The following SLC39A10 variants were observed in gnomAD, a reference collection of about 807,000 sequenced individuals.
SLC39A10 encodes the protein zinc transporter ZIP10.
Under a neutral mutation model 65.1 loss-of-function variants are expected in SLC39A10, and 13 were observed. The ratio of observed to expected loss-of-function variants is 0.20; its 90% CI spans 0.13 to 0.32. SLC39A10 has a LOEUF of 0.32. Among genes scored for constraint, SLC39A10 ranks in the 10% least tolerant of loss-of-function variants. SLC39A10 has a pLI of 1.00. For synonymous variants in SLC39A10, 321 were observed against 342.2 expected (o/e 0.94, Z 0.68); for missense variants, 831 against 1,018.4 (o/e 0.82, Z 2.50).
At chr2:195,630,401 C>G (rs930512158) in intron 2 of SLC39A10, among the ~76,000 whole-genome samples, 1 of 152,136 alleles carries the variant, frequency 6.6e-6, no homozygotes, top group African/African-American at 2.4e-5. Flanking sequence ...GCACACTACC[C>G]TCCAAGAACC....
chr2:195,695,599 G>A (rs1156282049), intron 3 of SLC39A10, among the ~76,000 whole-genome samples: 2 of 152,180 alleles, frequency 1.3e-5, no homozygotes, highest in African/African-American at 4.8e-5. Flanking sequence ...AGGCAATCCA[G>A]TTCCTCCAAA....
chr2:195,707,097 A>G (rs141777201), intron 4 of SLC39A10, among the ~76,000 whole-genome samples: 435 of 152,274 alleles, frequency 2.9e-3, no homozygotes, highest in African/African-American at 0.01. Flanking sequence ...GGAGAAATGC[A>G]TAAGATATGT....
At chr2:195,661,875 C>A (rs934841952) in intron 1 of SLC39A10, among the ~76,000 whole-genome samples, 1 of 152,094 alleles carries the variant, frequency 6.6e-6, no homozygotes, top group Non-Finnish European at 1.5e-5. Flanking sequence ...TTGTCATAAC[C>A]TTTTATAATC....
intron 2 of SLC39A10, among the ~76,000 whole-genome samples, chr2:195,640,664 C>T (rs982300803): frequency 3.3e-5 from 5 of 152,048 alleles, no homozygotes; most frequent in African/African-American, 1.2e-4. Context: ...TTCAGAAATG[C>T]TATAAAAATG....
intron 5 of SLC39A10, among the ~76,000 whole-genome samples, chr2:195,712,351 T>A (rs1355266158): frequency 1.3e-5 from 2 of 152,098 alleles, no homozygotes; most frequent in African/African-American, 4.8e-5. Flanking sequence ...GGCAGGGGGG[T>A]AGATTCCATG....
rs752091160 is a variant in SLC39A10 at position 195,680,134 on chromosome 2, A to G, written c.92A>G (p.His31Arg). ...AACCATTGCCATGAAGAACATGACC[A>G]TGGCCCTGAAGCGCTTCACAGACAG... is the stretch of plus-strand genomic sequence containing the variant. ...HCNHCHEEHD[H>R]GPEALHRQHR... The change falls in exon 2 of 10, where the codon CAT (histidine) becomes CGT (arginine). Residue 31 changes from histidine to arginine, a missense_variant. Physicochemically the swap from His to Arg is conservative, Grantham distance 29. Around this residue, in one of 4 missense-constraint regions of SLC39A10, gnomAD observed 446 missense variants for 499.2 expected, o/e 0.89. Transcript: ENST00000359634. 1.2e-6 allele frequency: 2 copies of G among 1,613,998 alleles called. No homozygotes were observed. The highest frequency in any genetic ancestry group is 8.5e-7 in the Non-Finnish European group (1 of 1,180,018).
At chr2:195,615,244 T>C (rs1353812084) in intron 2 of SLC39A10, among the ~76,000 whole-genome samples, 1 of 152,142 alleles carries the variant, frequency 6.6e-6, no homozygotes, top group Non-Finnish European at 1.5e-5. Context: ...TTGGGTAGGT[T>C]CAGAGTGAGG....
rs78116684 is a variant in SLC39A10 at position 195,732,949 on chromosome 2, T to G, written c.2338-1934T>G. On this transcript the variant is annotated intron_variant, in intron 9 of 9. Coordinates refer to ENST00000359634, the MANE Select transcript of SLC39A10 (RefSeq NM_020342.3). ...TGATAAAGTGATTTTGTGAATGGTT[T>G]GGACAAGAAAATAATCTTTACTAGC... 7.8e-3 allele frequency among the ~76,000 whole-genome samples: 1,189 copies of G among 152,380 alleles called. 10 individuals are homozygous for G. The highest frequency in any genetic ancestry group is 0.02 in the Middle Eastern group (6 of 294).
chr2:195,682,198 T>G (rs1480713034), intron 2 of SLC39A10, among the ~76,000 whole-genome samples: 2 of 152,190 alleles, frequency 1.3e-5, no homozygotes, highest in Non-Finnish European at 2.9e-5. Context: ...TTAGCATTCT[T>G]ATTAAAGTTT....
At position 195,735,207 on chromosome 2, in the gene SLC39A10, C is replaced by T; in HGVS notation, c.*166C>T. The stretch of plus-strand genomic sequence containing the variant: ...AGAGGCTGGTGCTTAGTACTGTTTT[C>T]CCTGCACGTAGGGGTCTTTTAAAAA... On this transcript the variant is annotated 3_prime_UTR_variant, in exon 10 of 10. Coordinates refer to ENST00000359634, the MANE Select transcript of SLC39A10 (RefSeq NM_020342.3). 1.8e-6 allele frequency: 1 copy of T among 557,472 alleles called. No individual in the cohort carries two copies. Among genetic ancestry groups the T allele is most frequent in the Non-Finnish European group, 2.9e-6 (1 of 341,426 alleles). The allele number at this position is 557,472 out of a possible 1,614,324, so 34.5% of individuals were successfully genotyped here. A position where few individuals can be genotyped will look rare whatever the true frequency, so the allele number is the denominator to read the frequency against.
intron 3 of SLC39A10, among the ~76,000 whole-genome samples, chr2:195,699,327 G>C (rs1361642191): frequency 6.6e-6 from 1 of 151,622 alleles, no homozygotes; most frequent in Non-Finnish European, 1.5e-5. Context: ...CCTTCTGCTA[G>C]TCTTGGCTTA....
Position 195,714,222 on chromosome 2 carries a change from C to T in SLC39A10, c.1696+669C>T, listed in dbSNP as rs531007559. Reference sequence around the variant, plus strand: ...CTGGGATTACAGGAGTGAGCCACCGCGCCCGGCCGACAAATACTTTTATGA... The same window carrying T: ...CTGGGATTACAGGAGTGAGCCACCGTGCCCGGCCGACAAATACTTTTATGA... On this transcript the variant is annotated intron_variant, in intron 6 of 9. Transcript: ENST00000359634. Among the ~76,000 whole-genome samples the T allele has an allele frequency of 2.2e-4, 33 of 152,276 alleles. 1 individual carries two copies. The South Asian group carries it at 5.8e-3, about 27-fold the overall frequency.
intron 1 of SLC39A10, among the ~76,000 whole-genome samples, chr2:195,660,732 ACGTATGGGATTGTTTTC>A (rs1438739395): frequency 6.6e-6 from 1 of 152,182 alleles, no homozygotes; most frequent in Non-Finnish European, 1.5e-5. Flanking sequence ...AAAGAAATTT[ACGTATGGGATTGTTTTC>A]AAAGCGGGAA....
rs766179472 is a variant in SLC39A10, at chr2:195,680,729, G to T, written c.687G>T (p.Pro229=). 8 of 1,613,882 alleles carry T rather than the reference G, an allele frequency of 5.0e-6. No homozygotes were observed. Among genetic ancestry groups the T allele is most frequent in the Admixed American group, 1.7e-5 (1 of 59,972 alleles). ...KTQEQSDVKL[P]KGKRKKKGRK... ...AGGAACAATCTGATGTTAAACTACC[G>T]AAAGGAAAGAGGAAGAAAAAAGGGA... The change falls in exon 2 of 10, where the codon CCG becomes CCT. Residue 229 remains proline (P), a synonymous_variant. Coordinates refer to ENST00000359634, the MANE Select transcript of SLC39A10 (RefSeq NM_020342.3).
chr2:195,722,534 A>T (rs1377695094), intron 8 of SLC39A10, among the ~76,000 whole-genome samples: 2 of 152,176 alleles, frequency 1.3e-5, no homozygotes, highest in Non-Finnish European at 2.9e-5. Flanking sequence ...CAGTGTCCCT[A>T]CTCTGATCAG....
chr2:195,697,176 A>G (rs1368630705), intron 3 of SLC39A10, among the ~76,000 whole-genome samples: 1 of 152,134 alleles, frequency 6.6e-6, no homozygotes, highest in Non-Finnish European at 1.5e-5. Flanking sequence ...ATGTTGCTCA[A>G]TGATCAACTA....
chr2:195,630,995 C>T (rs2105696696), intron 2 of SLC39A10, among the ~76,000 whole-genome samples: 1 of 152,226 alleles, frequency 6.6e-6, no homozygotes, highest in Non-Finnish European at 1.5e-5. Context: ...TTGAGACCAG[C>T]CTGGCCAACA....
chr2:195,698,220 G>C (rs1282680318), intron 3 of SLC39A10, among the ~76,000 whole-genome samples: 1 of 152,072 alleles, frequency 6.6e-6, no homozygotes, highest in African/African-American at 2.4e-5. Flanking sequence ...GAAAAATCAA[G>C]TGCTTGTGTG....
At chr2:195,678,563 T>C (rs1377627029) in intron 1 of SLC39A10, among the ~76,000 whole-genome samples, 2 of 119,460 alleles carry the variant, frequency 1.7e-5, no homozygotes, top group East Asian at 2.0e-4. Context: ...TTTAGTTAGG[T>C]TTTTTTTTTT....
Sources: allele counts gnomAD v4.1 joint callset (sites outside exome capture counted in the v4.1 genomes callset), GRCh38; gene constraint gnomAD v4.1.1; regional missense constraint gnomAD v4.1.1; transcripts MANE v1.5; gene names NCBI Gene and HGNC (gene_info 2026-07-23, HGNC 2026-07-21).